Variants in CAMK1D observed in about 807,000 individuals in gnomAD.
CAMK1D encodes the protein calcium/calmodulin-dependent protein kinase type 1D.
In CAMK1D, 9 loss-of-function variants were observed where a neutral mutation model predicts 47.7. The observed-to-expected ratio is 0.19, with a 90% CI of 0.11 to 0.33. CAMK1D has a LOEUF of 0.33. Ranked by LOEUF, CAMK1D falls within the 10% of genes least tolerant of loss-of-function variation. The pLI, the probability that CAMK1D is intolerant of heterozygous loss-of-function variation, is 1.00. For missense variants in CAMK1D, 291 were observed against 488.7 expected (o/e 0.60, Z 3.81); for synonymous variants, 184 against 184.9 (o/e 0.99, Z 0.04).
intron 6 of CAMK1D, among the ~76,000 whole-genome samples, chr10:12,809,223 C>G (rs1832499439): frequency 6.6e-6 from 1 of 152,084 alleles, no homozygotes; most frequent in Non-Finnish European, 1.5e-5. Flanking sequence ...ATTTGCACTT[C>G]CCTGATGATT....
At chr10:12,749,462 AAAG>A (rs1262838329) in intron 3 of CAMK1D, among the ~76,000 whole-genome samples, 4 of 150,514 alleles carry the variant, frequency 2.7e-5, no homozygotes, top group Non-Finnish European at 4.4e-5. Flanking sequence ...AAAAAAAAAA[AAAG>A]AAATCCATTG....
chr10:12,536,459 A>G (rs773629462), intron 1 of CAMK1D, among the ~76,000 whole-genome samples: 20 of 152,198 alleles, frequency 1.3e-4, no homozygotes, highest in Non-Finnish European at 1.8e-4. Flanking sequence ...TTGTATTTTT[A>G]GTAGAGATGG....
At chr10:12,533,449 A>G (rs771109252) in intron 1 of CAMK1D, among the ~76,000 whole-genome samples, 1 of 152,146 alleles carries the variant, frequency 6.6e-6, no homozygotes, top group Non-Finnish European at 1.5e-5. Flanking sequence ...TCATGAGTTT[A>G]TCCTTTTAAA....
At chr10:12,479,222 G>T (rs12766722) in intron 1 of CAMK1D, among the ~76,000 whole-genome samples, 23,134 of 151,742 alleles carry the variant, frequency 0.15, 1,838 homozygotes, top group South Asian at 0.2. Context: ...TTGAGACGGA[G>T]TTTCACTTTT....
At chr10:12,463,642 C>G (rs1488626379) in intron 1 of CAMK1D, among the ~76,000 whole-genome samples, 1 of 151,896 alleles carries the variant, frequency 6.6e-6, no homozygotes, top group African/African-American at 2.4e-5. Flanking sequence ...TTTGTTTTCA[C>G]TACGATGTTC....
chr10:12,351,472 C>T (rs1466926913), intron 1 of CAMK1D, among the ~76,000 whole-genome samples: 1 of 152,120 alleles, frequency 6.6e-6, no homozygotes, highest in African/African-American at 2.4e-5. Context: ...TCATCCAGGA[C>T]CCGCACTGTG....
At chr10:12,582,373 C>A (rs927571331) in intron 2 of CAMK1D, among the ~76,000 whole-genome samples, 6 of 152,068 alleles carry the variant, frequency 3.9e-5, no homozygotes, top group African/African-American at 1.4e-4. Context: ...TATGTGGACT[C>A]TTTTTTGGTG....
intron 3 of CAMK1D, among the ~76,000 whole-genome samples, chr10:12,755,837 C>G (rs1836202822): frequency 6.6e-6 from 1 of 152,158 alleles, no homozygotes; most frequent in South Asian, 2.1e-4. Flanking sequence ...CTACAGATTT[C>G]AAGAGTATCT....
intron 1 of CAMK1D, among the ~76,000 whole-genome samples, chr10:12,356,026 G>A (rs1467569693): frequency 6.6e-6 from 1 of 152,130 alleles, no homozygotes; most frequent in Non-Finnish European, 1.5e-5. Context: ...GGTCAAAGGC[G>A]GCCACAAGGG....
chr10:12,671,903 A>G (rs978811948), intron 3 of CAMK1D, among the ~76,000 whole-genome samples: 1 of 135,738 alleles, frequency 7.4e-6, no homozygotes, highest in Non-Finnish European at 1.6e-5. Flanking sequence ...AGAAGTTATC[A>G]CCTAATTCTT....
At chr10:12,735,236 G>T (rs938845835) in intron 3 of CAMK1D, among the ~76,000 whole-genome samples, 1 of 152,198 alleles carries the variant, frequency 6.6e-6, no homozygotes, top group African/African-American at 2.4e-5. Flanking sequence ...CAGCACTTTG[G>T]GAGGCCGAGG....
chr10:12,822,461 T>C (rs1833049207), intron 8 of CAMK1D, among the ~76,000 whole-genome samples: 1 of 152,208 alleles, frequency 6.6e-6, no homozygotes. Flanking sequence ...AACCCACAGA[T>C]ATAGCATGGG....
chr10:12,440,307 C>T (rs1037193731), intron 1 of CAMK1D, among the ~76,000 whole-genome samples: 51 of 145,834 alleles, frequency 3.5e-4, no homozygotes, highest in South Asian at 1.3e-3. Context: ...TTTTTTGAGA[C>T]GGAGTCTCCT....
At chr10:12,638,793 TAAATGTGG>T (rs1379164626) in intron 2 of CAMK1D, among the ~76,000 whole-genome samples, 1 of 152,178 alleles carries the variant, frequency 6.6e-6, no homozygotes, top group Non-Finnish European at 1.5e-5. Flanking sequence ...ACCAAATCTA[TAAATGTGG>T]AAGAACAGTG....
At chr10:12,538,744 C>G (rs1007095411) in intron 1 of CAMK1D, among the ~76,000 whole-genome samples, 1 of 152,046 alleles carries the variant, frequency 6.6e-6, no homozygotes, top group African/African-American at 2.4e-5. Flanking sequence ...AACAAACACA[C>G]AGACCGTGCA....
intron 1 of CAMK1D, among the ~76,000 whole-genome samples, chr10:12,445,872 G>T (rs1832910239): frequency 6.6e-6 from 1 of 152,102 alleles, no homozygotes; most frequent in Non-Finnish European, 1.5e-5. Context: ...GAATGGTGAG[G>T]TCATCATAGC....
At chr10:12,365,035 G>T (rs1293075153) in intron 1 of CAMK1D, among the ~76,000 whole-genome samples, 1 of 151,498 alleles carries the variant, frequency 6.6e-6, no homozygotes, top group Non-Finnish European at 1.5e-5. Flanking sequence ...TGACTCTCTG[G>T]AACCTCTGCC....
At chr10:12,601,929 G>A (rs4294481) in intron 2 of CAMK1D, among the ~76,000 whole-genome samples, 14,876 of 152,284 alleles carry the variant, frequency 0.098, 760 homozygotes, top group Admixed American at 0.15. Flanking sequence ...GAAACAGGAA[G>A]AAGCCCCCTC....
chr10:12,506,235 A>G (rs942651031), intron 1 of CAMK1D, among the ~76,000 whole-genome samples: 1 of 152,102 alleles, frequency 6.6e-6, no homozygotes, highest in East Asian at 1.9e-4. Context: ...CCTGGCCAAC[A>G]TGGCGAAACC....
Sources: allele counts gnomAD v4.1 joint callset (sites outside exome capture counted in the v4.1 genomes callset), GRCh38; gene constraint gnomAD v4.1.1; transcripts MANE v1.5; gene names NCBI Gene and HGNC (gene_info 2026-07-23, HGNC 2026-07-21).